TAFA1: variants seen among roughly 807,000 people sequenced by gnomAD.
TAFA1 encodes the protein chemokine-like protein TAFA-1.
In TAFA1, 4 loss-of-function variants were observed where a neutral mutation model predicts 18.5. The ratio of observed to expected loss-of-function variants is 0.22; its 90% CI spans 0.11 to 0.49. The LOEUF is 0.49. Ranked by LOEUF, TAFA1 falls within the 20% of genes least tolerant of loss-of-function variation. The pLI, the probability that TAFA1 is intolerant of heterozygous loss-of-function variation, is 0.98. For missense variants in TAFA1, 147 were observed against 169.0 expected (o/e 0.87, Z 0.72); for synonymous variants, 56 against 55.2 (o/e 1.01, Z -0.06).
intron 2 of TAFA1, among the ~76,000 whole-genome samples, chr3:68,141,163 A>T (rs1460640746): frequency 1.3e-5 from 2 of 152,172 alleles, no homozygotes; most frequent in Admixed American, 1.3e-4. Flanking sequence ...AACGGGTGCC[A>T]CGGGTCAATG....
intron 2 of TAFA1, among the ~76,000 whole-genome samples, chr3:68,289,505 T>A (rs888111631): frequency 1.3e-5 from 2 of 152,176 alleles, no homozygotes; most frequent in Non-Finnish European, 2.9e-5. Context: ...AGGAAGACAC[T>A]GGAATATTCT....
intron 2 of TAFA1, among the ~76,000 whole-genome samples, chr3:68,060,087 A>G (rs1174726065): frequency 2.6e-5 from 4 of 151,998 alleles, no homozygotes; most frequent in Non-Finnish European, 5.9e-5. Context: ...AAACACACAC[A>G]CACGCACAAA....
At chr3:68,522,380 A>T (rs1442864606) in intron 3 of TAFA1, among the ~76,000 whole-genome samples, 1 of 152,202 alleles carries the variant, frequency 6.6e-6, no homozygotes. Flanking sequence ...GAGCAGTTCC[A>T]GTGGTGTTAG....
intron 2 of TAFA1, among the ~76,000 whole-genome samples, chr3:68,132,741 A>T (rs761686129): frequency 1.3e-5 from 2 of 151,742 alleles, no homozygotes; most frequent in Non-Finnish European, 2.9e-5. Flanking sequence ...TTTTCTTGTA[A>T]ATTTGTTTAA....
intron 2 of TAFA1, among the ~76,000 whole-genome samples, chr3:68,262,341 A>T (rs1469338645): frequency 1.2e-5 from 1 of 86,558 alleles, no homozygotes; most frequent in African/African-American, 4.6e-5. Context: ...ATATATATAT[A>T]TATATATATA....
intron 2 of TAFA1, among the ~76,000 whole-genome samples, chr3:68,320,869 T>C (rs1489126023): frequency 1.3e-5 from 2 of 152,150 alleles, no homozygotes; most frequent in African/African-American, 4.8e-5. Flanking sequence ...CCTTCTCCCC[T>C]GGTCTGCAGT....
At chr3:68,491,456 C>T (rs186098843) in intron 3 of TAFA1, among the ~76,000 whole-genome samples, 2,170 of 146,904 alleles carry the variant, frequency 0.015, 63 homozygotes, top group African/African-American at 0.051. Context: ...AACCAAACAC[C>T]GCATATTCTC....
At chr3:68,458,026 G>T (rs181706278) in intron 3 of TAFA1, among the ~76,000 whole-genome samples, 1 of 152,248 alleles carries the variant, frequency 6.6e-6, no homozygotes, top group African/African-American at 2.4e-5. Context: ...ATATGGTCTG[G>T]ATTTATGGCC....
intron 2 of TAFA1, among the ~76,000 whole-genome samples, chr3:68,154,988 A>T (rs1469929393): frequency 6.6e-6 from 1 of 152,214 alleles, no homozygotes; most frequent in Non-Finnish European, 1.5e-5. Flanking sequence ...GATTATATTG[A>T]TTACTTATAT....
chr3:68,411,173 A>AT (rs1405916576), intron 2 of TAFA1, among the ~76,000 whole-genome samples: 18 of 152,166 alleles, frequency 1.2e-4, no homozygotes, highest in Non-Finnish European at 2.9e-5. Flanking sequence ...ATTGTATGTC[A>AT]TTTTATGTCC....
chr3:68,288,244 G>A (rs1343694958), intron 2 of TAFA1, among the ~76,000 whole-genome samples: 5 of 152,166 alleles, frequency 3.3e-5, no homozygotes, highest in African/African-American at 1.2e-4. Context: ...GCAAAACAGA[G>A]CCGGGTTCCA....
intron 2 of TAFA1, among the ~76,000 whole-genome samples, chr3:68,138,332 A>G (rs1281260415): frequency 6.6e-6 from 1 of 152,196 alleles, no homozygotes; most frequent in East Asian, 1.9e-4. Flanking sequence ...AAACATGTTG[A>G]CATGGTGTAG....
intron 4 of TAFA1, among the ~76,000 whole-genome samples, chr3:68,539,678 T>G (rs56905702): frequency 0.38 from 4,417 of 11,704 alleles, 193 homozygotes; most frequent in East Asian, 0.57. Context: ...TGTGTGTGTG[T>G]GGGGGGGCAT....
At chr3:68,381,645 G>C (rs1212259038) in intron 2 of TAFA1, among the ~76,000 whole-genome samples, 1 of 152,178 alleles carries the variant, frequency 6.6e-6, no homozygotes, top group Non-Finnish European at 1.5e-5. Context: ...TGCTGAAGTT[G>C]CTTATCAGCT....
In TAFA1 at chr3:68,271,573, G is replaced by T. The variant is rs547966088; in HGVS notation, c.119-145707G>T. On this transcript the variant is annotated intron_variant, in intron 2 of 4. Transcript: ENST00000478136. ...GGAGTAAAATGACACGTTCCTTATA[G>T]AAACTTGGACAAGAGATAGAGAGTC... Among the ~76,000 whole-genome samples, 15 of 152,252 alleles carry T rather than the reference G, an allele frequency of 9.9e-5. No homozygotes were observed. In the East Asian group the frequency reaches 2.9e-3, roughly 29 times the overall value.
chr3:68,288,261 C>T (rs1308605993), intron 2 of TAFA1, among the ~76,000 whole-genome samples: 3 of 152,172 alleles, frequency 2.0e-5, no homozygotes, highest in African/African-American at 4.8e-5. Flanking sequence ...TCCAGGCCCA[C>T]GTGGATCCCT....
intron 2 of TAFA1, among the ~76,000 whole-genome samples, chr3:68,355,475 C>A (rs1016250359): frequency 6.6e-6 from 1 of 151,802 alleles, no homozygotes; most frequent in Non-Finnish European, 1.5e-5. Context: ...TAGATAAATG[C>A]ACTAATATAT....
chr3:68,168,712 C>G (rs1443921665), intron 2 of TAFA1, among the ~76,000 whole-genome samples: 1 of 152,160 alleles, frequency 6.6e-6, no homozygotes, highest in African/African-American at 2.4e-5. Context: ...CACAAGGGGT[C>G]TAAATTTGCT....
In TAFA1 at chr3:68,509,390, G is replaced by T. The variant is rs149618107; in HGVS notation, c.260-29366G>T. Among the ~76,000 whole-genome samples, 508 of 152,254 alleles carry T rather than the reference G, an allele frequency of 3.3e-3. 3 individuals carry two copies. The highest frequency in any genetic ancestry group is 0.012 in the African/African-American group (494 of 41,552). On this transcript the variant is annotated intron_variant, in intron 3 of 4. Transcript: ENST00000478136. ...CTGACAAGATTTCCGTCATGGTCTT[G>T]TCTGTGTGTATCTCCTTTGCAGGCC...
Sources: allele counts gnomAD v4.1 joint callset (sites outside exome capture counted in the v4.1 genomes callset), GRCh38; gene constraint gnomAD v4.1.1; transcripts MANE v1.5; gene names NCBI Gene and HGNC (gene_info 2026-07-23, HGNC 2026-07-21).